NSUN4: variants seen among roughly 807,000 people sequenced by gnomAD.
The protein encoded by NSUN4 is NOP2/Sun RNA methyltransferase 4.
Under a neutral mutation model 43.8 loss-of-function variants are expected in NSUN4, and 31 were observed. The observed-to-expected ratio is 0.71, with a 90% CI of 0.53 to 0.96. NSUN4 has a LOEUF of 0.96. Among genes scored for constraint, NSUN4 ranks in the 40% least tolerant of loss-of-function variants. The pLI, the probability that NSUN4 is intolerant of heterozygous loss-of-function variation, is 0.00. For missense variants in NSUN4, 439 were observed against 475.6 expected (o/e 0.92, Z 0.72); for synonymous variants, 167 against 184.1 (o/e 0.91, Z 0.75).
intron 2 of NSUN4, among the ~76,000 whole-genome samples, chr1:46,346,551 C>A (rs1458598883): frequency 6.3e-3 from 515 of 82,184 alleles, no homozygotes; most frequent in South Asian, 0.018. Flanking sequence ...GACTGTGTCT[C>A]AAAAAAAAAA....
chr1:46,362,186 A>C lies in NSUN4; in HGVS notation c.*340A>C. ...GCATTTGGCCAATAAAGTTGTTGAA[A>C]CTCTATAGACCTGGGGCTGCAGTTG... On this transcript the variant is annotated 3_prime_UTR_variant, in exon 6 of 6. Transcript: ENST00000474844. 6.8e-6 allele frequency: 2 copies of C among 294,600 alleles called. No homozygotes were observed. The highest frequency in any genetic ancestry group is 2.2e-5 in the African/African-American group (1 of 45,992). 18.2% of individuals were successfully genotyped at this position (294,600 alleles called of 1,614,324 possible).
At chr1:46,351,123 T>C (rs1305956686) in intron 3 of NSUN4, among the ~76,000 whole-genome samples, 1 of 152,134 alleles carries the variant, frequency 6.6e-6, no homozygotes, top group East Asian at 1.9e-4. Context: ...CCCAGCACTT[T>C]GGGAGGCCGA....
the NSUN4 span, among the ~76,000 whole-genome samples, chr1:46,383,558 C>T: frequency 6.6e-6 from 1 of 151,440 alleles, no homozygotes; most frequent in Non-Finnish European, 1.5e-5. Flanking sequence ...CGGGTTCACG[C>T]CATTCTCCTG....
intron 5 of NSUN4, 121 bp from the exon 6 acceptor site, chr1:46,361,449 C>A: frequency 1.2e-6 from 1 of 844,328 alleles, no homozygotes; most frequent in Non-Finnish European, 1.8e-6. Context: ...ACTTGAGAGG[C>A]AGTCTAACCA....
chr1:46,360,832 A>C lies in NSUN4; in HGVS notation c.878+4A>C. 1 of 1,613,592 alleles carries C rather than the reference A, an allele frequency of 6.2e-7. No homozygotes were observed. The highest frequency in any genetic ancestry group is 8.5e-7 in the Non-Finnish European group (1 of 1,179,628). On this transcript the variant is annotated splice_donor_region_variant and intron_variant, in intron 5 of 5. Transcript: ENST00000474844. ...TGCTGCAAGTGCAGCTTCTTGCGTG[A>C]GTGACAGATTTTTAAACTCAGGACT...
the NSUN4 span, among the ~76,000 whole-genome samples, chr1:46,379,513 G>A: frequency 1.3e-5 from 2 of 152,110 alleles, no homozygotes; most frequent in African/African-American, 4.8e-5. Context: ...TACTTGGGTG[G>A]CTGAGACAGG....
chr1:46,372,529 C>A, the NSUN4 span, among the ~76,000 whole-genome samples: 1 of 152,110 alleles, frequency 6.6e-6, no homozygotes, highest in African/African-American at 2.4e-5. Flanking sequence ...ATCTTTAAGT[C>A]ATTTTCCCCT....
intron 4 of NSUN4, 82 bp from the exon 5 acceptor site, chr1:46,360,622 C>G: frequency 6.8e-7 from 1 of 1,470,216 alleles, no homozygotes; most frequent in East Asian, 2.3e-5. Context: ...CAAACTTAGG[C>G]CAGGGGCCTA....
At chr1:46,375,327 C>G in the NSUN4 span, among the ~76,000 whole-genome samples, 1 of 151,196 alleles carries the variant, frequency 6.6e-6, no homozygotes, top group Admixed American at 6.6e-5. Context: ...CCCAGCTACT[C>G]GGGAAGCTGA....
intron 4 of NSUN4, among the ~76,000 whole-genome samples, chr1:46,357,144 C>G (rs1171337886): frequency 4.6e-5 from 7 of 152,094 alleles, no homozygotes; most frequent in Admixed American, 3.9e-4. Context: ...AACAGTACAA[C>G]TTCCTTTTCT....
At chr1:46,360,877 G>A (rs374170364) in intron 5 of NSUN4, 49 bp downstream of exon 5, 1 of 1,603,650 alleles carries the variant, frequency 6.2e-7, no homozygotes, top group African/African-American at 1.3e-5. Flanking sequence ...AGTGCTCTGG[G>A]AGACTGGGGG....
rs577988915 is a variant in NSUN4 at position 46,346,736 on chromosome 1, G to C, written c.438-185G>C. ...TGAAACTCCGTCAGTCAATCAATCA[G>C]TAAATAAATAATCATTCTGGCTCCC... On this transcript the variant is annotated intron_variant, in intron 2 of 5. Coordinates refer to ENST00000474844, the MANE Select transcript of NSUN4 (RefSeq NM_199044.4). 9.2e-5 allele frequency among the ~76,000 whole-genome samples: 14 copies of C among 152,158 alleles called. No homozygotes were observed. In the East Asian group the frequency reaches 2.7e-3, roughly 29 times the overall value.
intron 3 of NSUN4, among the ~76,000 whole-genome samples, chr1:46,347,365 G>T (rs1662589848): frequency 6.6e-6 from 1 of 152,142 alleles, no homozygotes; most frequent in Non-Finnish European, 1.5e-5. Flanking sequence ...TTGAACCCGG[G>T]AAGTGGAGGT....
chr1:46,382,396 G>C, the NSUN4 span, among the ~76,000 whole-genome samples: 1 of 152,120 alleles, frequency 6.6e-6, no homozygotes, highest in East Asian at 1.9e-4. Flanking sequence ...CATTCCCAGG[G>C]GCAGTAATGG....
At position 46,361,660 on chromosome 1, in the gene NSUN4, T is replaced by G; in HGVS notation, c.969T>G (p.Gly323=). ...SHLQNEYVVQ[G]AIELLANQYS... ...TACAGAACGAGTATGTGGTGCAAGG[T>G]GCCATTGAGCTCCTGGCCAATCAAT... The change falls in exon 6 of 6, where the codon GGT becomes GGG. Residue 323 remains glycine, a synonymous_variant. Transcript: ENST00000474844. 6.2e-7 allele frequency: 1 copy of G among 1,614,182 alleles called. No individual in the cohort carries two copies. Among genetic ancestry groups the G allele is most frequent in the Non-Finnish European group, 8.5e-7 (1 of 1,180,018 alleles).
Position 46,349,346 on chromosome 1 carries a change from T to C in NSUN4, c.592+2271T>C, listed in dbSNP as rs201576208. 4.6e-5 allele frequency among the ~76,000 whole-genome samples: 7 copies of C among 151,934 alleles called. No individual in the cohort carries two copies. The East Asian group carries it at 1.2e-3, about 25-fold the overall frequency. ...TAGTAGAGATAGGGTTTCACCGTGT[T>C]AGCCAGGATGGTCTTGATCTCCTGA... On this transcript the variant is annotated intron_variant, in intron 3 of 5. Coordinates refer to ENST00000474844, the MANE Select transcript of NSUN4 (RefSeq NM_199044.4).
chr1:46,357,404 A>G (rs186261631), intron 4 of NSUN4, among the ~76,000 whole-genome samples: 2 of 152,362 alleles, frequency 1.3e-5, no homozygotes, highest in Admixed American at 1.3e-4. Context: ...GCTGGTCTCG[A>G]AATCCTGGGC....
At chr1:46,376,096 T>TAAAAA in the NSUN4 span, among the ~76,000 whole-genome samples, 5 of 40,890 alleles carry the variant, frequency 1.2e-4, no homozygotes, top group Non-Finnish European at 1.6e-4. Flanking sequence ...AGAGCGAAAC[T>TAAAAA]AAAAAAAAAA....
intron 4 of NSUN4, among the ~76,000 whole-genome samples, chr1:46,356,375 T>TA (rs1325699033): frequency 6.6e-6 from 1 of 151,252 alleles, no homozygotes; most frequent in African/African-American, 2.4e-5. Flanking sequence ...CCAGCCGTGT[T>TA]AAGCACTTTA....
Sources: gnomAD v4.1 joint callset for allele counts (sites outside exome capture counted in the v4.1 genomes callset) on GRCh38, gnomAD v4.1.1 for gene constraint, MANE v1.5 for transcripts, NCBI Gene and HGNC (gene_info 2026-07-23, HGNC 2026-07-21) for gene names.